The following FNDC3A variants were observed in gnomAD, a reference collection of about 807,000 sequenced individuals.
FNDC3A encodes fibronectin type-III domain-containing protein 3A.
In FNDC3A, 32 loss-of-function variants were observed where a neutral mutation model predicts 148.9. The ratio of observed to expected loss-of-function variants is 0.21; its 90% confidence interval spans 0.16 to 0.29. The LOEUF is 0.29. FNDC3A is among the 10% of genes least tolerant of loss of function. FNDC3A has a pLI of 1.00. For missense variants in FNDC3A, 1,191 were observed against 1,452.8 expected (o/e 0.82, Z 2.93); for synonymous variants, 472 against 473.6 (o/e 1.00, Z 0.04).
At chr13:49,024,797 C>T (rs934379455) in intron 2 of FNDC3A, among the ~76,000 whole-genome samples, 17 of 151,774 alleles carry the variant, frequency 1.1e-4, no homozygotes, top group African/African-American at 2.2e-4. Flanking sequence ...GGGGAAAAGC[C>T]GAAAGCTTTT....
chr13:49,010,272 G>A (rs575299980), intron 2 of FNDC3A, among the ~76,000 whole-genome samples: 2 of 152,328 alleles, frequency 1.3e-5, no homozygotes, highest in South Asian at 2.1e-4. Context: ...CCTGGCCTGG[G>A]ATGGCTTAGG....
chr13:49,170,378 G>C (rs1190243808), intron 10 of FNDC3A, among the ~76,000 whole-genome samples: 1 of 152,116 alleles, frequency 6.6e-6, no homozygotes, highest in Non-Finnish European at 1.5e-5. Context: ...TGAATATCTG[G>C]TCTTTTGACT....
chr13:49,125,163 C>T (rs1432000501), intron 4 of FNDC3A, among the ~76,000 whole-genome samples: 3 of 152,102 alleles, frequency 2.0e-5, no homozygotes, highest in East Asian at 1.9e-4. Flanking sequence ...TATGATGGCA[C>T]GCAGGAGTGA....
chr13:49,106,489 A>AT lies in FNDC3A; in HGVS notation c.176-8160dup, dbSNP rs369011435. The stretch of plus-strand genomic sequence containing the variant: ...CACCACACCCAACTCAGTTTTTGAG[A>AT]TTTTTTATGGAGATGGGGTCTCACT... On this transcript the variant is annotated intron_variant, in intron 3 of 25. Coordinates refer to ENST00000492622, the MANE Select transcript of FNDC3A (RefSeq NM_001079673.2). Among the ~76,000 whole-genome samples the AT allele has an allele frequency of 1.7e-4, 26 of 151,776 alleles. 1 individual carries two copies. The East Asian group carries it at 4.9e-3, about 28-fold the overall frequency.
At chr13:49,054,668 A>G (rs1293071733) in intron 2 of FNDC3A, among the ~76,000 whole-genome samples, 1 of 152,234 alleles carries the variant, frequency 6.6e-6, no homozygotes, top group Non-Finnish European at 1.5e-5. Context: ...TCACATCTCT[A>G]TGACATATAT....
chr13:49,093,241 C>T (rs932159742), intron 3 of FNDC3A, among the ~76,000 whole-genome samples: 1 of 152,138 alleles, frequency 6.6e-6, no homozygotes, highest in Non-Finnish European at 1.5e-5. Context: ...CTGCCCCATA[C>T]ATACAGAAAT....
intron 2 of FNDC3A, among the ~76,000 whole-genome samples, chr13:49,048,565 A>G (rs1339772280): frequency 1.3e-5 from 2 of 152,064 alleles, no homozygotes; most frequent in East Asian, 1.9e-4. Flanking sequence ...TAAGTGTTTT[A>G]TATTTTTGCA....
At chr13:49,080,288 T>C (rs886314407) in intron 3 of FNDC3A, among the ~76,000 whole-genome samples, 1 of 152,198 alleles carries the variant, frequency 6.6e-6, no homozygotes, top group Non-Finnish European at 1.5e-5. Flanking sequence ...GCACCACTCT[T>C]AAATATCTAA....
chr13:49,052,348 C>G (rs1875900025), intron 2 of FNDC3A, among the ~76,000 whole-genome samples: 1 of 152,142 alleles, frequency 6.6e-6, no homozygotes, highest in Non-Finnish European at 1.5e-5. Flanking sequence ...AGTTGCTGTT[C>G]AGATTCTTTT....
intron 15 of FNDC3A, 29 bp from the exon 16 acceptor site, chr13:49,187,093 G>T: frequency 1.3e-6 from 2 of 1,527,478 alleles, no homozygotes; most frequent in South Asian, 2.3e-5. Flanking sequence ...TTTGTACCTT[G>T]CCTAATACTA....
chr13:49,049,980 A>G (rs907532600), intron 2 of FNDC3A, among the ~76,000 whole-genome samples: 1 of 152,210 alleles, frequency 6.6e-6, no homozygotes, highest in African/African-American at 2.4e-5. Context: ...TTGGCCTCCC[A>G]AAGTGCTGAG....
intron 2 of FNDC3A, chr13:49,046,547 C>A: frequency 6.2e-6 from 1 of 160,656 alleles, no homozygotes; most frequent in Non-Finnish European, 1.4e-5. Flanking sequence ...TTCTGCACAT[C>A]AAGTTCATGC....
At chr13:49,125,413 A>T (rs1004322915) in intron 4 of FNDC3A, among the ~76,000 whole-genome samples, 1 of 152,296 alleles carries the variant, frequency 6.6e-6, no homozygotes, top group South Asian at 2.1e-4. Flanking sequence ...TGAATGGCCT[A>T]TGTTATTGTT....
chr13:49,172,552 C>T (rs911578864), intron 11 of FNDC3A, among the ~76,000 whole-genome samples: 2 of 152,194 alleles, frequency 1.3e-5, no homozygotes, highest in Non-Finnish European at 2.9e-5. Flanking sequence ...CCTTGACCAG[C>T]TTCTGTAGGC....
chr13:48,992,310 A>G (rs1448268509), intron 1 of FNDC3A, among the ~76,000 whole-genome samples: 2 of 152,246 alleles, frequency 1.3e-5, no homozygotes, highest in Non-Finnish European at 1.5e-5. Flanking sequence ...GTACTTTATC[A>G]TAATTTAAAA....
intron 2 of FNDC3A, among the ~76,000 whole-genome samples, chr13:49,013,944 T>C (rs991932941): frequency 2.6e-5 from 4 of 151,644 alleles, no homozygotes; most frequent in African/African-American, 9.7e-5. Flanking sequence ...TTTTTATAGC[T>C]GCATAGTATT....
intron 2 of FNDC3A, among the ~76,000 whole-genome samples, chr13:49,048,037 A>G (rs919288090): frequency 6.6e-6 from 1 of 152,098 alleles, no homozygotes; most frequent in Non-Finnish European, 1.5e-5. Flanking sequence ...TTCCAACACT[A>G]TTTGTTGAAT....
intron 13 of FNDC3A, among the ~76,000 whole-genome samples, chr13:49,177,623 A>G (rs1423864995): frequency 6.6e-6 from 1 of 152,202 alleles, no homozygotes. Flanking sequence ...CAAAAAGTGG[A>G]AGCAACCCAA....
chr13:49,131,522 G>A, intron 5 of FNDC3A, 148 bp downstream of exon 5: 1 of 654,928 alleles, frequency 1.5e-6, no homozygotes, highest in Non-Finnish European at 2.7e-6. Flanking sequence ...TATATTAGGT[G>A]CTTCATCCTC....
Sources: gnomAD v4.1 joint callset for allele counts (sites outside exome capture counted in the v4.1 genomes callset) on GRCh38, gnomAD v4.1.1 for gene constraint, MANE v1.5 for transcripts, NCBI Gene and HGNC (gene_info 2026-07-23, HGNC 2026-07-21) for gene names.